ZFYVE28: variants seen among roughly 807,000 people sequenced by gnomAD.
The protein encoded by ZFYVE28 is lateral signaling target protein 2 homolog.
A neutral mutation model predicts 82.1 loss-of-function variants in ZFYVE28; 40 were observed. That is an observed-to-expected ratio of 0.49 (90% CI 0.38 to 0.63). ZFYVE28 has a LOEUF of 0.63. Ranked by LOEUF, ZFYVE28 falls within the 30% of genes least tolerant of loss-of-function variation. The probability of loss-of-function intolerance (pLI) is 0.00; values close to 1 mark genes in which losing one functional copy is unlikely to be tolerated. For synonymous variants in ZFYVE28, 612 were observed against 546.1 expected, an observed-to-expected ratio of 1.12 and a Z score of -1.68; for missense variants, 1,321 against 1,242.1, an observed-to-expected ratio of 1.06 and a Z score of -0.96.
intron 8 of ZFYVE28, among the ~76,000 whole-genome samples, chr4:2,290,466 T>G (rs1346401966): frequency 6.6e-6 from 1 of 152,100 alleles, no homozygotes; most frequent in Non-Finnish European, 1.5e-5. Flanking sequence ...ACCCTGACAC[T>G]CCTGTCTGTT....
At chr4:2,306,282 G>C (rs1246107231) in intron 7 of ZFYVE28, among the ~76,000 whole-genome samples, 3 of 152,256 alleles carry the variant, frequency 2.0e-5, no homozygotes, top group African/African-American at 7.2e-5. Context: ...GGGTGTGTCT[G>C]TGGTCTGAGT....
At chr4:2,398,429 A>G (rs1204470388) in intron 1 of ZFYVE28, among the ~76,000 whole-genome samples, 1 of 152,186 alleles carries the variant, frequency 6.6e-6, no homozygotes, top group African/African-American at 2.4e-5. Flanking sequence ...GGGCTGCTAC[A>G]TGGTTGCTGC....
In ZFYVE28 at chr4:2,409,298, C is replaced by A. The variant is rs1183641914; in HGVS notation, c.39+8987G>T. ...TCCATCCAGAGTCGCCTGCTGCCAT[C>A]CTCTCGCTGGAATCCCCGCCACCCA... On this transcript the variant is annotated intron_variant, in intron 1 of 12. Coordinates refer to ENST00000290974, the MANE Select transcript of ZFYVE28 (RefSeq NM_020972.3). The surrounding 1 kb of genome is among the most constrained non-coding windows in gnomAD (Gnocchi z 4.4). Among the ~76,000 whole-genome samples, 2 of 151,742 alleles carry A rather than the reference C, an allele frequency of 1.3e-5. No homozygotes were observed. The highest frequency in any genetic ancestry group is 4.8e-5 in the African/African-American group (2 of 41,286).
chr4:2,331,727 T>C (rs1720740338), intron 6 of ZFYVE28, among the ~76,000 whole-genome samples: 2 of 151,878 alleles, frequency 1.3e-5, no homozygotes, highest in South Asian at 4.2e-4. Context: ...CCCACAGGGG[T>C]GACCCCCAGT....
intron 10 of ZFYVE28, 131 bp downstream of exon 10, chr4:2,273,042 G>A: frequency 1.4e-6 from 1 of 731,502 alleles, no homozygotes; most frequent in Non-Finnish European, 2.3e-6. Flanking sequence ...GGGATCCTGG[G>A]GTCGACGATT....
At position 2,409,440 on chromosome 4, in the gene ZFYVE28, C is replaced by T. The variant is rs1244391303; in HGVS notation, c.39+8845G>A. On this transcript the variant is annotated intron_variant, in intron 1 of 12. Coordinates refer to ENST00000290974, the MANE Select transcript of ZFYVE28 (RefSeq NM_020972.3). This position sits in a 1 kb window ranked among gnomAD's most constrained non-coding sequence, Gnocchi z 4.4. ...TTGCCTGTGACCCATCCCCAGGCGA[C>T]CTCCCAACCCCATCTGCAGCGACCC... is the stretch of plus-strand genomic sequence containing the variant. Among the ~76,000 whole-genome samples, 6 of 152,144 alleles carry T rather than the reference C, an allele frequency of 3.9e-5. No individual in the cohort carries two copies. The highest frequency in any genetic ancestry group is 1.4e-4 in the African/African-American group (6 of 41,420).
At chr4:2,351,239 T>A (rs1473496322) in intron 2 of ZFYVE28, among the ~76,000 whole-genome samples, 1 of 152,162 alleles carries the variant, frequency 6.6e-6, no homozygotes, top group African/African-American at 2.4e-5. Context: ...TGCTGGGGAA[T>A]GACTCGGTGT....
chr4:2,348,648 T>C (rs995203579), intron 2 of ZFYVE28, among the ~76,000 whole-genome samples: 4 of 152,226 alleles, frequency 2.6e-5, no homozygotes, highest in Admixed American at 2.6e-4. Flanking sequence ...CAATGTATGC[T>C]TATGCTCTTC....
chr4:2,337,442 C>T lies in ZFYVE28; in HGVS notation c.576G>A (p.Gln192=). 1 of 1,610,702 alleles carries T rather than the reference C, an allele frequency of 6.2e-7. No homozygotes were observed. Among genetic ancestry groups the T allele is most frequent in the Non-Finnish European group, 8.5e-7 (1 of 1,178,308 alleles). ...VKSPREYYVQ[Q]EVIVLFCETV... ...TCTCGCAGAAGAGCACGATGACCTCCTGCTGCACGTAGTACTCCCTGGGGG... is the reference window on the plus strand; with the variant it reads ...TCTCGCAGAAGAGCACGATGACCTCTTGCTGCACGTAGTACTCCCTGGGGG... Residue 192 remains glutamine, a synonymous_variant, in exon 5 of 13, where the codon CAG becomes CAA. Coordinates refer to ENST00000290974, the MANE Select transcript of ZFYVE28 (RefSeq NM_020972.3).
Position 2,355,254 on chromosome 4 carries a change from ATATATATATATATATAT to A in ZFYVE28, c.40-1198_40-1182del, listed in dbSNP as rs1725118425. On this transcript the variant is annotated intron_variant, in intron 1 of 12. Coordinates refer to ENST00000290974, the MANE Select transcript of ZFYVE28 (RefSeq NM_020972.3). ...TATATATATATATATATATATATAT[ATATATATATATATATAT>A]AATGATTCTTCTTTTTTTTTTTTTT... Among the ~76,000 whole-genome samples the A allele has an allele frequency of 1.3e-3, 22 of 17,506 alleles. 3 individuals are homozygous for A. The highest frequency in any genetic ancestry group is 3.9e-3 in the African/African-American group (11 of 2,836). The allele number at this position is 17,506 out of a possible 152,430, so 11.5% of individuals were successfully genotyped here.
At chr4:2,346,179 A>T (rs1578190757) in intron 2 of ZFYVE28, among the ~76,000 whole-genome samples, 1 of 149,696 alleles carries the variant, frequency 6.7e-6, no homozygotes, top group African/African-American at 2.4e-5. Flanking sequence ...AAAAAAAAAA[A>T]AAAATACAAA....
rs1578411407 is a variant in ZFYVE28, at chr4:2,405,806, G to A, written c.39+12479C>T. Among the ~76,000 whole-genome samples the A allele has an allele frequency of 2.0e-5, 3 of 152,336 alleles. No homozygotes were observed. The East Asian group carries it at 5.8e-4, about 29-fold the overall frequency. ...CTCACGCCTATAATCCCAGCACTTT[G>A]GGAGGCCAAGGCAGGGGGATCATCT... On this transcript the variant is annotated intron_variant, in intron 1 of 12. Coordinates refer to ENST00000290974, the MANE Select transcript of ZFYVE28 (RefSeq NM_020972.3).
intron 8 of ZFYVE28, among the ~76,000 whole-genome samples, chr4:2,303,686 G>T (rs1319776230): frequency 1.3e-5 from 2 of 152,202 alleles, no homozygotes; most frequent in Non-Finnish European, 2.9e-5. Flanking sequence ...TCCCCCCAGT[G>T]CAGGGCAAGG....
intron 1 of ZFYVE28, among the ~76,000 whole-genome samples, chr4:2,386,648 G>A (rs963977): frequency 3.3e-5 from 5 of 152,150 alleles, no homozygotes; most frequent in East Asian, 1.9e-4. Context: ...GCCCTGGGAC[G>A]CCTGGGGTCT....
chr4:2,310,956 A>G (rs1717389093), intron 7 of ZFYVE28, among the ~76,000 whole-genome samples: 1 of 152,218 alleles, frequency 6.6e-6, no homozygotes, highest in South Asian at 2.1e-4. Flanking sequence ...TTTTAAAATA[A>G]TGAATTCAAC....
At chr4:2,331,002 G>A in intron 6 of ZFYVE28, 1 of 1,534,366 alleles carries the variant, frequency 6.5e-7, no homozygotes, top group South Asian at 1.2e-5. Flanking sequence ...CAGGCCACGT[G>A]GGCGGTGGCT....
chr4:2,319,951 A>G (rs1322206469), intron 7 of ZFYVE28, among the ~76,000 whole-genome samples: 1 of 152,182 alleles, frequency 6.6e-6, no homozygotes, highest in African/African-American at 2.4e-5. Flanking sequence ...TCAGCCCAAG[A>G]GAGCGCCCAC....
intron 1 of ZFYVE28, among the ~76,000 whole-genome samples, chr4:2,356,079 G>A (rs111718800): frequency 1.7e-4 from 26 of 152,244 alleles, no homozygotes; most frequent in African/African-American, 6.0e-4. Context: ...ACTTTGTCCT[G>A]ACTCTTTCCT....
chr4:2,270,773 G>C lies in ZFYVE28; in HGVS notation c.2616C>G (p.Cys872Trp). The change falls in exon 13 of 13, where the codon TGC becomes TGG. Residue 872 changes from cysteine (C) to tryptophan (W), a missense_variant. Physicochemically the swap from Cys to Trp is radical, Grantham distance 215. Transcript: ENST00000290974. The part of the protein sequence containing the change: ...QVKPVRVCTH[C>W]YMFHVTPFYS... ...AGAAGGGCGTGACATGGAACATGTAGCAGTGGGTGCACACTCGGACCGGCT... is the reference window on the plus strand; with the variant it reads ...AGAAGGGCGTGACATGGAACATGTACCAGTGGGTGCACACTCGGACCGGCT... 1 of 1,613,264 alleles carries C rather than the reference G, an allele frequency of 6.2e-7. No individual in the cohort carries two copies. The highest frequency in any genetic ancestry group is 8.5e-7 in the Non-Finnish European group (1 of 1,179,940).
Sources: allele counts gnomAD v4.1 joint callset (sites outside exome capture counted in the v4.1 genomes callset), GRCh38; gene constraint gnomAD v4.1.1; non-coding constraint Gnocchi (gnomAD v3.1); transcripts MANE v1.5; gene names NCBI Gene and HGNC (gene_info 2026-07-23, HGNC 2026-07-21).